Variants in NIBAN1 observed in about 807,000 individuals in gnomAD.
NIBAN1 encodes the protein niban apoptosis regulator 1, also known as protein Niban 1.
Under a neutral mutation model 75.1 loss-of-function variants are expected in NIBAN1, and 81 were observed. The observed-to-expected ratio is 1.08, with a 90% CI of 0.90 to 1.30. The LOEUF (loss-of-function observed/expected upper bound fraction) is 1.30, where lower values mean the gene tolerates loss of function less well. NIBAN1 is among the 50% of genes most tolerant of loss of function. NIBAN1 has a pLI of 0.00. For synonymous variants in NIBAN1, 436 were observed against 424.8 expected (o/e 1.03, Z -0.32); for missense variants, 1,133 against 1,128.1 (o/e 1.00, Z -0.06).
intron 5 of NIBAN1, among the ~76,000 whole-genome samples, chr1:184,870,827 T>A (rs1297271949): frequency 1.3e-5 from 2 of 152,200 alleles, no homozygotes; most frequent in African/African-American, 4.8e-5. Context: ...AAATTGCACT[T>A]CCAAAAGTTC....
intron 1 of NIBAN1, among the ~76,000 whole-genome samples, chr1:184,906,373 G>A (rs914665857): frequency 6.6e-6 from 1 of 152,112 alleles, no homozygotes; most frequent in Non-Finnish European, 1.5e-5. Context: ...GCTCACACCT[G>A]TAATCCTAGC....
chr1:184,802,320 A>C (rs1235815129), intron 12 of NIBAN1, among the ~76,000 whole-genome samples: 1 of 152,146 alleles, frequency 6.6e-6, no homozygotes, highest in African/African-American at 2.4e-5. Context: ...AGGGGAGCCG[A>C]TGAGAAGGAG....
intron 1 of NIBAN1, among the ~76,000 whole-genome samples, chr1:184,931,569 T>A (rs975274698): frequency 3.3e-5 from 5 of 152,234 alleles, no homozygotes; most frequent in Non-Finnish European, 7.3e-5. Context: ...TTGATATTAG[T>A]GGAATACATA....
At chr1:184,944,151 T>A (rs1422532121) in intron 1 of NIBAN1, among the ~76,000 whole-genome samples, 1 of 151,914 alleles carries the variant, frequency 6.6e-6, no homozygotes. Flanking sequence ...CCCTGGGAGG[T>A]AGAGGATGGA....
At chr1:184,798,661 A>T (rs1653944409) in intron 12 of NIBAN1, among the ~76,000 whole-genome samples, 1 of 152,174 alleles carries the variant, frequency 6.6e-6, no homozygotes, top group East Asian at 1.9e-4. Context: ...TAAAATGTAC[A>T]GATAAGTTCA....
At chr1:184,861,790 G>A (rs1655823424) in intron 5 of NIBAN1, among the ~76,000 whole-genome samples, 1 of 151,272 alleles carries the variant, frequency 6.6e-6, no homozygotes, top group Non-Finnish European at 1.5e-5. Flanking sequence ...AAGGAAAGAA[G>A]AAGGGAGGGA....
At position 184,807,966 on chromosome 1, in the gene NIBAN1, C is replaced by T. The variant is rs758601503; in HGVS notation, c.1335+108G>A. On this transcript the variant is annotated intron_variant, in intron 10 of 13. Coordinates refer to ENST00000367511, the MANE Select transcript of NIBAN1 (RefSeq NM_052966.4). ...TCCCGCAACATGATGGCTAAAGAGA[C>T]GCGACGTATTTCCCTGAGCTACACT... 169 of 1,277,276 alleles carry T rather than the reference C, an allele frequency of 1.3e-4. 1 individual carries two copies. Among genetic ancestry groups the T allele is most frequent in the Middle Eastern group, 9.3e-4 (5 of 5,388 alleles). 79.1% of individuals were successfully genotyped at this position (1,277,276 alleles called of 1,614,324 possible).
At position 184,957,269 on chromosome 1, in the gene NIBAN1, G is replaced by A. The variant is rs569196091; in HGVS notation, c.55+17033C>T. 8.5e-5 allele frequency among the ~76,000 whole-genome samples: 13 copies of A among 152,310 alleles called. No homozygotes were observed. The East Asian group carries it at 2.5e-3, about 29-fold the overall frequency. On this transcript the variant is annotated intron_variant, in intron 1 of 13. Transcript: ENST00000367511. ...ATTGTCCTTCCCTGGTTTGAGGGGA[G>A]GAGTATGTGTAGGACCTTGAGAATA...
At chr1:184,824,650 G>A (rs1654796262) in intron 6 of NIBAN1, among the ~76,000 whole-genome samples, 1 of 152,186 alleles carries the variant, frequency 6.6e-6, no homozygotes, top group African/African-American at 2.4e-5. Context: ...GTGCGTTTTT[G>A]ATAACTGTGT....
At chr1:184,901,146 G>A (rs1656944962) in intron 1 of NIBAN1, among the ~76,000 whole-genome samples, 1 of 152,116 alleles carries the variant, frequency 6.6e-6, no homozygotes, top group African/African-American at 2.4e-5. Flanking sequence ...TCCTACTTTT[G>A]TTTGGGAATT....
chr1:184,861,517 G>A (rs1655813174), intron 5 of NIBAN1, among the ~76,000 whole-genome samples: 2 of 151,310 alleles, frequency 1.3e-5, no homozygotes, highest in Admixed American at 1.3e-4. Flanking sequence ...GACAGGAAGG[G>A]GGGAAGAGGA....
At chr1:184,816,382 ATGAC>A (rs1654535847) in intron 9 of NIBAN1, among the ~76,000 whole-genome samples, 1 of 152,230 alleles carries the variant, frequency 6.6e-6, no homozygotes, top group Non-Finnish European at 1.5e-5. Context: ...ACCTATATGA[ATGAC>A]ATGCTGAGAC....
intron 5 of NIBAN1, among the ~76,000 whole-genome samples, chr1:184,842,904 G>GAA (rs139980970): frequency 2.0e-5 from 3 of 149,764 alleles, no homozygotes; most frequent in African/African-American, 4.9e-5. Flanking sequence ...TCACGTTTGA[G>GAA]AAAAAAAAAA....
intron 1 of NIBAN1, among the ~76,000 whole-genome samples, chr1:184,924,996 T>C (rs1414912042): frequency 6.6e-6 from 1 of 152,114 alleles, no homozygotes; most frequent in Non-Finnish European, 1.5e-5. Context: ...ATCTTTTGTA[T>C]TGTTTTTTCA....
chr1:184,841,993 A>G (rs1230426067), intron 5 of NIBAN1, among the ~76,000 whole-genome samples: 1 of 152,044 alleles, frequency 6.6e-6, no homozygotes, highest in African/African-American at 2.4e-5. Flanking sequence ...CTGCATCCCT[A>G]CTCCCTAGTA....
At position 184,914,305 on chromosome 1, in the gene NIBAN1, C is replaced by T. The variant is rs187837468; in HGVS notation, c.56-14996G>A. On this transcript the variant is annotated intron_variant, in intron 1 of 13. Transcript: ENST00000367511. ...ATCTGCTTTCCTTGAGGGAATATAA[C>T]GGGATTCCTTCAGAGTACATGAAGC... 1.1e-4 allele frequency among the ~76,000 whole-genome samples: 16 copies of T among 152,326 alleles called. No homozygotes were observed. The East Asian group carries it at 2.5e-3, about 24-fold the overall frequency.
intron 1 of NIBAN1, among the ~76,000 whole-genome samples, chr1:184,925,411 G>A (rs1041366130): frequency 3.3e-5 from 5 of 151,964 alleles, no homozygotes; most frequent in African/African-American, 1.2e-4. Context: ...TACATTCAAT[G>A]TTATTATTGA....
rs770748905 is a variant in NIBAN1 at position 184,894,019 on chromosome 1, C to T, written c.318+56G>A. On this transcript the variant is annotated intron_variant, in intron 3 of 13. Transcript: ENST00000367511. ...GGAAGGAGAGGGCACACCAATCAACCGAGCCAAACTTTTAAGAACAGTGTA... is the reference window on the plus strand; with the variant it reads ...GGAAGGAGAGGGCACACCAATCAACTGAGCCAAACTTTTAAGAACAGTGTA... 3.7e-5 allele frequency: 56 copies of T among 1,512,864 alleles called. 1 individual carries two copies. The highest frequency in any genetic ancestry group is 3.5e-4 in the Middle Eastern group (2 of 5,676). The allele number at this position is 1,512,864 out of a possible 1,614,324, so 93.7% of individuals were successfully genotyped here. A position where few individuals can be genotyped will look rare whatever the true frequency, so the allele number is the denominator to read the frequency against.
chr1:184,874,282 C>T (rs1338932006), intron 5 of NIBAN1, among the ~76,000 whole-genome samples: 1 of 151,656 alleles, frequency 6.6e-6, no homozygotes, highest in Non-Finnish European at 1.5e-5. Context: ...ATGTAGAAAA[C>T]ACAAAGTAAG....
Sources: allele counts gnomAD v4.1 joint callset (sites outside exome capture counted in the v4.1 genomes callset), GRCh38; gene constraint gnomAD v4.1.1; transcripts MANE v1.5; gene names NCBI Gene and HGNC (gene_info 2026-07-23, HGNC 2026-07-21).